Variants in NRCAM observed in about 807,000 individuals in gnomAD.
NRCAM encodes neuronal cell adhesion molecule.
In NRCAM, 83 loss-of-function variants were observed where a neutral mutation model predicts 156.5. The ratio of observed to expected loss-of-function variants is 0.53; its 90% confidence interval spans 0.44 to 0.64. The LOEUF (loss-of-function observed/expected upper bound fraction) is 0.64. NRCAM is among the 30% of genes least tolerant of loss of function. The pLI is 0.00. For synonymous variants in NRCAM, 538 were observed against 563.9 expected (o/e 0.95, Z 0.65); for missense variants, 1,417 against 1,597.3 (o/e 0.89, Z 1.92).
chr7:108,204,206 A>G (rs1378017451), intron 13 of NRCAM, among the ~76,000 whole-genome samples: 1 of 152,152 alleles, frequency 6.6e-6, no homozygotes, highest in East Asian at 1.9e-4. Context: ...GGCTCCTTAA[A>G]TGTCTATTAA....
At chr7:108,424,424 G>T (rs182377878) in intron 1 of NRCAM, among the ~76,000 whole-genome samples, 1 of 152,326 alleles carries the variant, frequency 6.6e-6, no homozygotes, top group East Asian at 1.9e-4. Flanking sequence ...GTCTCAAACT[G>T]ATAATTACAG....
chr7:108,353,709 T>G (rs528130836), intron 2 of NRCAM, among the ~76,000 whole-genome samples: 12 of 152,390 alleles, frequency 7.9e-5, no homozygotes, highest in Non-Finnish European at 1.6e-4. Flanking sequence ...TATTTTATGC[T>G]ATGTCCCCAG....
chr7:108,182,458 T>C (rs1266383013), intron 23 of NRCAM, among the ~76,000 whole-genome samples: 1 of 152,186 alleles, frequency 6.6e-6, no homozygotes, highest in African/African-American at 2.4e-5. Flanking sequence ...GATTTGGGTA[T>C]CCAAGGCAGG....
intron 2 of NRCAM, among the ~76,000 whole-genome samples, chr7:108,389,281 TG>T (rs1374627069): frequency 6.6e-6 from 1 of 152,100 alleles, no homozygotes; most frequent in Non-Finnish European, 1.5e-5. Flanking sequence ...TCACATCCCT[TG>T]TAAGTTGGAT....
intron 31 of NRCAM, among the ~76,000 whole-genome samples, chr7:108,160,066 C>A (rs1353265969): frequency 4.6e-5 from 7 of 152,172 alleles, no homozygotes. Flanking sequence ...TCTCTCCTTG[C>A]CAGTTGGTTT....
At chr7:108,339,032 C>T (rs1411714023) in intron 2 of NRCAM, among the ~76,000 whole-genome samples, 1 of 152,082 alleles carries the variant, frequency 6.6e-6, no homozygotes, top group South Asian at 2.1e-4. Flanking sequence ...TATTCTAAGT[C>T]AAAAAAGCAA....
Position 108,258,695 on chromosome 7 carries a change from C to T in NRCAM, c.-106-18525G>A, listed in dbSNP as rs149806085. On this transcript the variant is annotated intron_variant, in intron 3 of 32. Coordinates refer to ENST00000379028, the MANE Select transcript of NRCAM (RefSeq NM_001037132.4). ...AAAACGGGGCTAATTTACCTACCTCCGGGGCTGTTGAGATAAATATGGAAT... is the reference window on the plus strand; with the variant it reads ...AAAACGGGGCTAATTTACCTACCTCTGGGGCTGTTGAGATAAATATGGAAT... Among the ~76,000 whole-genome samples, 1,181 of 152,280 alleles carry T rather than the reference C, an allele frequency of 7.8e-3. 20 individuals are homozygous for T. The highest frequency in any genetic ancestry group is 0.027 in the African/African-American group (1,129 of 41,540).
chr7:108,335,832 T>C (rs73418486), intron 2 of NRCAM, among the ~76,000 whole-genome samples: 5,434 of 152,230 alleles, frequency 0.036, 351 homozygotes, highest in African/African-American at 0.12. Flanking sequence ...TATCTACTGT[T>C]TCCCTCTGTT....
chr7:108,335,447 T>TTTTTTTTTTTTTTTC, intron 2 of NRCAM, among the ~76,000 whole-genome samples: 1 of 144,758 alleles, frequency 6.9e-6, no homozygotes, highest in African/African-American at 2.6e-5. Flanking sequence ...TTTTTTTTTT[T>TTTTTTTTTTTTTTTC]TTTTTTTTTT....
intron 13 of NRCAM, among the ~76,000 whole-genome samples, chr7:108,198,765 T>C (rs1239684500): frequency 6.6e-6 from 1 of 152,244 alleles, no homozygotes; most frequent in Non-Finnish European, 1.5e-5. Context: ...AATTTTCTGC[T>C]GTGGATATTC....
intron 32 of NRCAM, chr7:108,156,769 A>C (rs1313956298): frequency 6.6e-6 from 1 of 152,180 alleles, no homozygotes; most frequent in African/African-American, 2.4e-5. Flanking sequence ...ATCAATAAAT[A>C]ATACAGAGCT....
At chr7:108,376,438 C>T (rs769030820) in intron 2 of NRCAM, among the ~76,000 whole-genome samples, 1 of 152,110 alleles carries the variant, frequency 6.6e-6, no homozygotes, top group Admixed American at 6.6e-5. Context: ...TAATAAACTG[C>T]CTTTCCTTTA....
At chr7:108,164,408 T>C (rs2052222184) in intron 30 of NRCAM, among the ~76,000 whole-genome samples, 1 of 152,040 alleles carries the variant, frequency 6.6e-6, no homozygotes, top group African/African-American at 2.4e-5. Flanking sequence ...ATGAAATAAC[T>C]ATAGATAAAG....
At chr7:108,164,830 T>C (rs2052779691) in intron 30 of NRCAM, among the ~76,000 whole-genome samples, 1 of 152,250 alleles carries the variant, frequency 6.6e-6, no homozygotes, top group Non-Finnish European at 1.5e-5. Flanking sequence ...GACCTTGTCC[T>C]GTCTCTCCAT....
intron 2 of NRCAM, among the ~76,000 whole-genome samples, chr7:108,352,859 A>C (rs2099428841): frequency 1.3e-5 from 2 of 152,176 alleles, no homozygotes; most frequent in African/African-American, 2.4e-5. Flanking sequence ...AAATAGCTAT[A>C]AAATATAAGT....
At chr7:108,215,930 T>C (rs2088363409) in intron 11 of NRCAM, among the ~76,000 whole-genome samples, 2 of 152,358 alleles carry the variant, frequency 1.3e-5, no homozygotes, top group South Asian at 4.1e-4. Flanking sequence ...AATATTGTTA[T>C]GTGTGAATTT....
At chr7:108,268,633 GGT>G (rs1590962028) in intron 3 of NRCAM, among the ~76,000 whole-genome samples, 43 of 100,556 alleles carry the variant, frequency 4.3e-4, no homozygotes, top group African/African-American at 1.3e-3. Context: ...GGTGGGGGGG[GGT>G]TGGGGGGGGC....
intron 2 of NRCAM, among the ~76,000 whole-genome samples, chr7:108,375,271 C>G (rs1347601622): frequency 6.6e-6 from 1 of 152,072 alleles, no homozygotes; most frequent in African/African-American, 2.4e-5. Flanking sequence ...TATTTGAATA[C>G]TGAATGAATC....
chr7:108,387,554 T>G (rs2099744780), intron 2 of NRCAM, among the ~76,000 whole-genome samples: 1 of 152,000 alleles, frequency 6.6e-6, no homozygotes, highest in Non-Finnish European at 1.5e-5. Context: ...TTTTTAAAAT[T>G]TATTTATTTA....
Sources: gnomAD v4.1 joint callset for allele counts (sites outside exome capture counted in the v4.1 genomes callset) on GRCh38, gnomAD v4.1.1 for gene constraint, MANE v1.5 for transcripts, NCBI Gene and HGNC (gene_info 2026-07-23, HGNC 2026-07-21) for gene names.